PTPRT: variants seen among roughly 807,000 people sequenced by gnomAD.
PTPRT encodes protein tyrosine phosphatase receptor type T, also known as receptor-type tyrosine-protein phosphatase T.
In PTPRT, 56 loss-of-function variants were observed where a neutral mutation model predicts 176.8. That is an observed-to-expected ratio of 0.32 (90% CI 0.26 to 0.40). The LOEUF (loss-of-function observed/expected upper bound fraction) is 0.40. Among genes scored for constraint, PTPRT ranks in the 10% least tolerant of loss-of-function variants. PTPRT has a pLI of 1.00. For synonymous variants in PTPRT, 783 were observed against 739.0 expected, an observed-to-expected ratio of 1.06 and a Z score of -0.96; for missense variants, 1,540 against 1,908.2, an observed-to-expected ratio of 0.81 and a Z score of 3.60.
rs1445051863 is a variant in PTPRT, at chr20:42,352,112, G to C, written c.1734C>G (p.Val578=). The C allele has an allele frequency of 6.2e-7, 1 of 1,614,098 alleles. No individual in the cohort carries two copies. The highest frequency in any genetic ancestry group is 1.3e-5 in the African/African-American group (1 of 75,032). ...AAATTTTGGTGGCAATCCGAGTGGT[G>C]ACAGGGGGCCCAAAGCCCTTTGCTG... The part of the protein sequence containing the change: ...ASTAKGFGPP[V]TTRIATKISA... The change falls in exon 10 of 31, where the codon GTC becomes GTG. Residue 578 remains valine, a synonymous_variant. Transcript: ENST00000373187.
At chr20:42,680,468 C>A (rs536667545) in intron 6 of PTPRT, among the ~76,000 whole-genome samples, 2 of 152,156 alleles carry the variant, frequency 1.3e-5, no homozygotes, top group Non-Finnish European at 2.9e-5. Flanking sequence ...TTTCTAAGCT[C>A]ATCCTTTGTG....
chr20:42,711,140 A>G (rs3091641), intron 6 of PTPRT, among the ~76,000 whole-genome samples: 7,355 of 152,302 alleles, frequency 0.048, 661 homozygotes, highest in African/African-American at 0.17. Flanking sequence ...ACTTGTTTTG[A>G]GTCTCAGATA....
chr20:43,152,793 T>C (rs2014399754), intron 1 of PTPRT, among the ~76,000 whole-genome samples: 1 of 152,218 alleles, frequency 6.6e-6, no homozygotes, highest in East Asian at 1.9e-4. Flanking sequence ...AAACATGGCA[T>C]TCTCCTTAGC....
At chr20:42,507,717 A>G (rs1319595430) in intron 7 of PTPRT, among the ~76,000 whole-genome samples, 1 of 152,154 alleles carries the variant, frequency 6.6e-6, no homozygotes, top group African/African-American at 2.4e-5. Flanking sequence ...GGGAATTGGT[A>G]GGAAAATGCC....
At chr20:42,956,507 G>A (rs1337623750) in intron 1 of PTPRT, among the ~76,000 whole-genome samples, 1 of 152,032 alleles carries the variant, frequency 6.6e-6, no homozygotes, top group Non-Finnish European at 1.5e-5. Context: ...GCTTCCTGAG[G>A]CCTCCCCAGA....
intron 22 of PTPRT, among the ~76,000 whole-genome samples, chr20:42,113,117 C>T (rs1206188181): frequency 1.3e-5 from 2 of 152,176 alleles, no homozygotes; most frequent in East Asian, 1.9e-4. Context: ...TTGCTGAGTG[C>T]CTGCCTGCAT....
chr20:42,688,904 C>G (rs929750110), intron 6 of PTPRT, among the ~76,000 whole-genome samples: 1 of 152,172 alleles, frequency 6.6e-6, no homozygotes, highest in Non-Finnish European at 1.5e-5. Context: ...TGTCTCTACC[C>G]TGGAGGAGAC....
At chr20:42,853,180 G>T (rs2078505397) in intron 2 of PTPRT, among the ~76,000 whole-genome samples, 1 of 152,114 alleles carries the variant, frequency 6.6e-6, no homozygotes, top group African/African-American at 2.4e-5. Flanking sequence ...TCTCATTCAG[G>T]AATCACCATC....
chr20:42,046,823 G>A, the PTPRT span, among the ~76,000 whole-genome samples: 2 of 151,342 alleles, frequency 1.3e-5, no homozygotes, highest in East Asian at 1.9e-4. Flanking sequence ...TAGGGGGCAC[G>A]GAGGGAGGGA....
intron 7 of PTPRT, among the ~76,000 whole-genome samples, chr20:42,475,750 T>C (rs2071277760): frequency 6.6e-6 from 1 of 152,218 alleles, no homozygotes; most frequent in Non-Finnish European, 1.5e-5. Context: ...CTGGTCTCCA[T>C]TCTCCCTGGA....
chr20:43,050,352 G>A (rs1206193328), intron 1 of PTPRT, among the ~76,000 whole-genome samples: 2 of 152,216 alleles, frequency 1.3e-5, no homozygotes, highest in East Asian at 1.9e-4. Flanking sequence ...CGGGAAGGGA[G>A]CTCCAGGGAG....
At chr20:42,477,481 C>T (rs930821941) in intron 7 of PTPRT, among the ~76,000 whole-genome samples, 1 of 152,142 alleles carries the variant, frequency 6.6e-6, no homozygotes, top group Admixed American at 6.5e-5. Context: ...TTCATGCTTT[C>T]AGTCCGACCC....
At chr20:43,047,379 G>A (rs1986878769) in intron 1 of PTPRT, among the ~76,000 whole-genome samples, 1 of 152,154 alleles carries the variant, frequency 6.6e-6, no homozygotes, top group Non-Finnish European at 1.5e-5. Flanking sequence ...CAGCAGGGAG[G>A]TGAATCCTGA....
intron 1 of PTPRT, among the ~76,000 whole-genome samples, chr20:43,125,051 A>G (rs979713613): frequency 6.6e-6 from 1 of 151,706 alleles, no homozygotes; most frequent in African/African-American, 2.4e-5. Context: ...GCTGGAGTGC[A>G]ATGGCACAAT....
At chr20:42,653,121 A>C (rs2075061987) in intron 7 of PTPRT, among the ~76,000 whole-genome samples, 1 of 152,176 alleles carries the variant, frequency 6.6e-6, no homozygotes, top group South Asian at 2.1e-4. Flanking sequence ...TTATTGAACC[A>C]TAGAGGCGGT....
intron 7 of PTPRT, among the ~76,000 whole-genome samples, chr20:42,502,417 C>T (rs866252332): frequency 2.4e-4 from 32 of 134,582 alleles, no homozygotes; most frequent in Admixed American, 4.8e-4. Flanking sequence ...CACACACACA[C>T]ACACACACAC....
At chr20:42,042,935 C>A in the PTPRT span, among the ~76,000 whole-genome samples, 1 of 152,244 alleles carries the variant, frequency 6.6e-6, no homozygotes, top group African/African-American at 2.4e-5. Context: ...CCTTGTAAGA[C>A]CAGCCCATCC....
At chr20:43,054,399 CA>C (rs1333479985) in intron 1 of PTPRT, among the ~76,000 whole-genome samples, 1 of 151,938 alleles carries the variant, frequency 6.6e-6, no homozygotes, top group African/African-American at 2.4e-5. Context: ...ACAAAAAATA[CA>C]AAAATTAGCC....
intron 7 of PTPRT, among the ~76,000 whole-genome samples, chr20:42,477,977 G>A (rs2071319882): frequency 6.6e-6 from 1 of 152,174 alleles, no homozygotes; most frequent in African/African-American, 2.4e-5. Flanking sequence ...ATCTGGTTCT[G>A]TCCTCTCCCT....
Sources: gnomAD v4.1 joint callset for allele counts (sites outside exome capture counted in the v4.1 genomes callset) on GRCh38, gnomAD v4.1.1 for gene constraint, MANE v1.5 for transcripts, NCBI Gene and HGNC (gene_info 2026-07-23, HGNC 2026-07-21) for gene names.